Variants in CDH2 observed in about 807,000 individuals in gnomAD.
The protein encoded by CDH2 is cadherin 2.
In CDH2, 17 loss-of-function variants were observed where a neutral mutation model predicts 92.0. That is an observed-to-expected ratio of 0.18 (90% CI 0.13 to 0.28). CDH2 has a LOEUF of 0.28. Ranked by LOEUF, CDH2 falls within the 10% of genes least tolerant of loss-of-function variation. The probability of loss-of-function intolerance (pLI) is 1.00; values close to 1 mark genes in which losing one functional copy is unlikely to be tolerated. For missense variants in CDH2, 862 were observed against 1,133.1 expected, an observed-to-expected ratio of 0.76 and a Z score of 3.44; for synonymous variants, 419 against 415.9, an observed-to-expected ratio of 1.01 and a Z score of -0.09.
chr18:28,060,459 T>C (rs1214220957), intron 2 of CDH2, among the ~76,000 whole-genome samples: 1 of 152,188 alleles, frequency 6.6e-6, no homozygotes, highest in Non-Finnish European at 1.5e-5. Context: ...AGTCCTGAGA[T>C]TACAGGCATG....
chr18:28,043,464 AT>A (rs373324317), intron 2 of CDH2, among the ~76,000 whole-genome samples: 23,324 of 62,782 alleles, frequency 0.37, 2,776 homozygotes, highest in South Asian at 0.5. Flanking sequence ...ATAAATAAAT[AT>A]ATATATATAT....
Position 28,013,743 on chromosome 18 carries a change from T to C in CDH2, c.339A>G (p.Glu113=), listed in dbSNP as rs759404639. ...TCAATTTTACTGCCACTTGCCACTTTTCCTGGGTCTCTTTGTCTTGGGCAT... is the reference window on the plus strand; with the variant it reads ...TCAATTTTACTGCCACTTGCCACTTCTCCTGGGTCTCTTTGTCTTGGGCAT... ...LIYAQDKETQ[E]KWQVAVKLSL... is the part of the protein sequence containing the mutation. The change falls in exon 3 of 16, where the codon GAA becomes GAG. Residue 113 remains glutamate (E), a synonymous_variant. Coordinates refer to ENST00000269141, the MANE Select transcript of CDH2 (RefSeq NM_001792.5). 2 of 1,614,062 alleles carry C rather than the reference T, an allele frequency of 1.2e-6. No homozygotes were observed. The highest frequency in any genetic ancestry group is 1.3e-5 in the African/African-American group (1 of 75,036).
chr18:28,110,511 A>G (rs181209740), intron 2 of CDH2, among the ~76,000 whole-genome samples: 2 of 152,238 alleles, frequency 1.3e-5, no homozygotes, highest in Admixed American at 6.5e-5. Flanking sequence ...TCATTGCAAA[A>G]GCCTTTGCTT....
intron 1 of CDH2, among the ~76,000 whole-genome samples, chr18:28,175,695 C>A (rs1300568147): frequency 6.6e-6 from 1 of 152,224 alleles, no homozygotes; most frequent in Non-Finnish European, 1.5e-5. Context: ...TCCACACCAC[C>A]TGTCTCCACC....
At chr18:28,172,902 G>A (rs45524231) in intron 1 of CDH2, among the ~76,000 whole-genome samples, 6,351 of 151,584 alleles carry the variant, frequency 0.042, 172 homozygotes, top group Non-Finnish European at 0.063. Flanking sequence ...TAATCACTTA[G>A]GATTAAAAAA....
At chr18:28,095,636 G>A (rs1256169631) in intron 2 of CDH2, among the ~76,000 whole-genome samples, 1 of 151,630 alleles carries the variant, frequency 6.6e-6, no homozygotes, top group African/African-American at 2.4e-5. Flanking sequence ...TTGGCAACAC[G>A]GTAAAACCCC....
intron 15 of CDH2, among the ~76,000 whole-genome samples, chr18:27,959,897 C>A (rs572724653): frequency 1.3e-5 from 2 of 152,080 alleles, no homozygotes; most frequent in South Asian, 2.1e-4. Context: ...CACCTGTAAT[C>A]CCAGCGCTTT....
In CDH2 at chr18:27,951,723, TTTTG is replaced by T. The variant is rs769968366; in HGVS notation, c.*426_*429del. On this transcript the variant is annotated 3_prime_UTR_variant, in exon 16 of 16. Transcript: ENST00000269141. ...GATAATAAAATCGCTCCATGAGTTT[TTTTG>T]TTTGTTTAATTTTGTATTTTAATAA... is the stretch of plus-strand genomic sequence containing the variant. 8.3e-4 allele frequency: 131 copies of T among 158,052 alleles called. No individual in the cohort carries two copies. The highest frequency in any genetic ancestry group is 1.3e-3 in the Non-Finnish European group (95 of 71,168). The allele number at this position is 158,052 out of a possible 1,614,324, so 9.8% of individuals were successfully genotyped here. A position where few individuals can be genotyped will look rare whatever the true frequency, so the allele number is the denominator to read the frequency against.
intron 14 of CDH2, among the ~76,000 whole-genome samples, chr18:27,964,720 TC>T (rs1356201672): frequency 6.6e-6 from 1 of 152,218 alleles, no homozygotes; most frequent in Non-Finnish European, 1.5e-5. Flanking sequence ...AGTTTTATTA[TC>T]CCCACTTAAG....
chr18:28,094,108 A>G (rs1209767297), intron 2 of CDH2, among the ~76,000 whole-genome samples: 1 of 152,148 alleles, frequency 6.6e-6, no homozygotes, highest in East Asian at 1.9e-4. Flanking sequence ...TTTTGAAATA[A>G]TCTCCCTTTA....
chr18:27,986,524 A>T (rs888057911), intron 11 of CDH2, among the ~76,000 whole-genome samples: 5 of 152,176 alleles, frequency 3.3e-5, no homozygotes, highest in African/African-American at 1.2e-4. Context: ...TTGTGTGATA[A>T]TTTAATCTGG....
intron 7 of CDH2, among the ~76,000 whole-genome samples, chr18:27,998,999 A>G: frequency 6.6e-6 from 1 of 152,220 alleles, no homozygotes; most frequent in East Asian, 1.9e-4. Context: ...GATGTTGAGA[A>G]TGGGAATCCA....
intron 2 of CDH2, among the ~76,000 whole-genome samples, chr18:28,068,054 GAAT>G (rs2144160652): frequency 6.6e-6 from 1 of 152,262 alleles, no homozygotes; most frequent in Admixed American, 6.5e-5. Context: ...GAGAAAAACA[GAAT>G]AATAAATATC....
intron 6 of CDH2, among the ~76,000 whole-genome samples, chr18:27,940,610 C>T (rs1028101140): frequency 1.5e-4 from 23 of 152,176 alleles, no homozygotes; most frequent in African/African-American, 5.3e-4. Flanking sequence ...TGACTTCAGT[C>T]TCCTTGGCTC....
chr18:28,103,079 G>C (rs1165858555), intron 2 of CDH2, among the ~76,000 whole-genome samples: 1 of 150,274 alleles, frequency 6.7e-6, no homozygotes, highest in African/African-American at 2.4e-5. Flanking sequence ...TCAGTAAACT[G>C]TCAGTGAAGA....
At chr18:28,167,715 A>T (rs777551282) in intron 1 of CDH2, among the ~76,000 whole-genome samples, 3 of 152,134 alleles carry the variant, frequency 2.0e-5, no homozygotes, top group Non-Finnish European at 4.4e-5. Context: ...GTCCACTTCT[A>T]TGTATATTTT....
At chr18:28,047,216 C>T (rs185307864) in intron 2 of CDH2, among the ~76,000 whole-genome samples, 7 of 152,098 alleles carry the variant, frequency 4.6e-5, no homozygotes, top group Non-Finnish European at 1.0e-4. Flanking sequence ...ATTTAAATAC[C>T]TAGAAGCTTG....
intron 10 of CDH2, 97 bp downstream of exon 10, chr18:27,990,000 C>T: frequency 1.9e-6 from 2 of 1,053,932 alleles, no homozygotes; most frequent in Non-Finnish European, 2.8e-6. Context: ...GTTTTGATTG[C>T]AATGAAAATT....
At chr18:27,957,264 T>G (rs1171552453) in intron 15 of CDH2, among the ~76,000 whole-genome samples, 1 of 151,980 alleles carries the variant, frequency 6.6e-6, no homozygotes, top group Admixed American at 6.6e-5. Flanking sequence ...TTTTTTATTT[T>G]TAGAGACAGG....
Sources: allele counts gnomAD v4.1 joint callset (sites outside exome capture counted in the v4.1 genomes callset), GRCh38; gene constraint gnomAD v4.1.1; transcripts MANE v1.5; gene names NCBI Gene and HGNC (gene_info 2026-07-23, HGNC 2026-07-21).